The following LIMD1 variants were observed in gnomAD, a reference collection of about 807,000 sequenced individuals.
The protein encoded by LIMD1 is LIM domain-containing protein 1.
A neutral mutation model predicts 58.4 loss-of-function variants in LIMD1; 23 were observed. The observed-to-expected ratio is 0.39, with a 90% CI of 0.28 to 0.56. The LOEUF (loss-of-function observed/expected upper bound fraction) is 0.56, where lower values mean the gene tolerates loss of function less well. Among genes scored for constraint, LIMD1 ranks in the 20% least tolerant of loss-of-function variants. LIMD1 has a pLI of 0.57. For missense variants in LIMD1, 838 were observed against 855.5 expected, an observed-to-expected ratio of 0.98 and a Z score of 0.25; for synonymous variants, 334 against 345.5, an observed-to-expected ratio of 0.97 and a Z score of 0.37.
chr3:45,683,626 C>G lies in LIMD1; in HGVS notation c.*6567C>G, dbSNP rs755451853. 1 of 152,310 alleles carries G rather than the reference C, an allele frequency of 6.6e-6. No homozygotes were observed. The highest frequency in any genetic ancestry group is 2.1e-4 in the South Asian group (1 of 4,826). The allele number at this position is 152,310 out of a possible 1,614,324, so 9.4% of individuals were successfully genotyped here. The stretch of plus-strand genomic sequence containing the variant: ...CCTCTGATTGGTCCCCTCCCACAAC[C>G]AATCAAACTGATCATGGACCTCTGC... On this transcript the variant is annotated 3_prime_UTR_variant, in exon 8 of 8. Transcript: ENST00000273317.
chr3:45,649,816 T>A (rs1245372939), intron 2 of LIMD1, among the ~76,000 whole-genome samples: 1 of 145,538 alleles, frequency 6.9e-6, no homozygotes, highest in Non-Finnish European at 1.5e-5. Context: ...AATTCTAGCT[T>A]GATACTTTTT....
chr3:45,601,268 G>A (rs1234308883), intron 1 of LIMD1, among the ~76,000 whole-genome samples: 2 of 152,184 alleles, frequency 1.3e-5, no homozygotes, highest in African/African-American at 2.4e-5. Context: ...AGGGAGCCTG[G>A]GAGCTGGAAA....
intron 2 of LIMD1, among the ~76,000 whole-genome samples, chr3:45,647,060 C>G (rs959457566): frequency 2.0e-5 from 3 of 152,160 alleles, no homozygotes; most frequent in African/African-American, 4.8e-5. Flanking sequence ...AATGTAGTCA[C>G]ATTGTCAAAA....
intron 1 of LIMD1, among the ~76,000 whole-genome samples, chr3:45,622,649 T>C (rs1701637609): frequency 6.6e-6 from 1 of 151,664 alleles, no homozygotes; most frequent in African/African-American, 2.4e-5. Flanking sequence ...GGTCAAATAG[T>C]GTGAACTTTT....
At chr3:45,649,848 G>GT (rs367547670) in intron 2 of LIMD1, among the ~76,000 whole-genome samples, 48,344 of 97,108 alleles carry the variant, frequency 0.5, 11,315 homozygotes, top group East Asian at 0.73. Context: ...AAGTTTTTTT[G>GT]TTTTTTTTTT....
intron 1 of LIMD1, among the ~76,000 whole-genome samples, chr3:45,621,341 C>T (rs1219748515): frequency 6.6e-6 from 1 of 152,194 alleles, no homozygotes; most frequent in African/African-American, 2.4e-5. Context: ...ACAATCCTCC[C>T]ACTTCAGCCT....
At chr3:45,653,919 A>AT (rs1701998734) in intron 2 of LIMD1, among the ~76,000 whole-genome samples, 1 of 145,778 alleles carries the variant, frequency 6.9e-6, no homozygotes, top group South Asian at 2.1e-4. Context: ...AAAAAAAAAA[A>AT]AAAAAAAGAA....
rs964490429 is a variant in LIMD1 at position 45,685,971 on chromosome 3, C to G, written c.*8912C>G. On this transcript the variant is annotated 3_prime_UTR_variant, in exon 8 of 8. Transcript: ENST00000273317. ...GGCTCTTTCACTGGCACCCCTTCCT[C>G]AAGGACTTAACTTGTGCAAGCTGAC... 1.3e-5 allele frequency: 2 copies of G among 152,310 alleles called. No homozygotes were observed. Among genetic ancestry groups the G allele is most frequent in the South Asian group, 4.1e-4 (2 of 4,828 alleles). The allele number at this position is 152,310 out of a possible 1,614,324, so 9.4% of individuals were successfully genotyped here.
chr3:45,646,163 C>T (rs1427528591), intron 2 of LIMD1, among the ~76,000 whole-genome samples: 3 of 152,184 alleles, frequency 2.0e-5, no homozygotes, highest in African/African-American at 7.2e-5. Flanking sequence ...CACAAGAGGT[C>T]ATGGGGTCTC....
chr3:45,654,830 A>G (rs1159025232), intron 2 of LIMD1, among the ~76,000 whole-genome samples: 13 of 148,790 alleles, frequency 8.7e-5, no homozygotes, highest in South Asian at 8.7e-4. Flanking sequence ...AAAAAAAAAA[A>G]AAAAGAAAAA....
chr3:45,621,833 A>G (rs4263326), intron 1 of LIMD1, among the ~76,000 whole-genome samples: 152,232 of 152,264 alleles, frequency 1, 76,100 homozygotes, highest in Middle Eastern at 1. Context: ...GGGAGGCTGA[A>G]GTGGGTGGAT....
chr3:45,662,839 C>T (rs1429555309), intron 2 of LIMD1, among the ~76,000 whole-genome samples: 1 of 152,036 alleles, frequency 6.6e-6, no homozygotes, highest in Non-Finnish European at 1.5e-5. Context: ...CAAAAATTAG[C>T]CGGGTATGGT....
chr3:45,631,130 G>GGT (rs1701727859), intron 1 of LIMD1, among the ~76,000 whole-genome samples: 1 of 152,130 alleles, frequency 6.6e-6, no homozygotes, highest in Non-Finnish European at 1.5e-5. Flanking sequence ...CTTGAAACCA[G>GGT]GAGGCAGAGG....
rs1469363864 is a variant in LIMD1 at position 45,683,708 on chromosome 3, A to G, written c.*6649A>G. 2 of 152,216 alleles carry G rather than the reference A, an allele frequency of 1.3e-5. No individual in the cohort carries two copies. Among genetic ancestry groups the G allele is most frequent in the Non-Finnish European group, 2.9e-5 (2 of 68,042 alleles). 9.4% of individuals were successfully genotyped at this position (152,216 alleles called of 1,614,324 possible). On this transcript the variant is annotated 3_prime_UTR_variant, in exon 8 of 8. Coordinates refer to ENST00000273317, the MANE Select transcript of LIMD1 (RefSeq NM_014240.3). ...AATGGGAAACCTCTAGAGGGTATTT[A>G]AATCCCAGAAAATTCTGTAACCGGG... is the stretch of plus-strand genomic sequence containing the variant.
rs552167784 is a variant in LIMD1 at position 45,681,611 on chromosome 3, C to T, written c.*4552C>T. ...GTGGGCTGCATTACAAGAGGAACCC[C>T]CATGCTTAGGGGACCCTGGTATTTG... On this transcript the variant is annotated 3_prime_UTR_variant, in exon 8 of 8. Coordinates refer to ENST00000273317, the MANE Select transcript of LIMD1 (RefSeq NM_014240.3). The T allele has an allele frequency of 6.6e-6, 1 of 152,354 alleles. No homozygotes were observed. The highest frequency in any genetic ancestry group is 2.1e-4 in the South Asian group (1 of 4,826). 9.4% of individuals were successfully genotyped at this position (152,354 alleles called of 1,614,324 possible).
At chr3:45,645,990 A>G (rs1320343597) in intron 2 of LIMD1, among the ~76,000 whole-genome samples, 1 of 149,954 alleles carries the variant, frequency 6.7e-6, no homozygotes, top group Non-Finnish European at 1.5e-5. Context: ...TGATCGTGCC[A>G]CTGCACTCCA....
intron 2 of LIMD1, among the ~76,000 whole-genome samples, chr3:45,649,996 GGTGT>G (rs1195607319): frequency 6.7e-6 from 1 of 150,198 alleles, no homozygotes; most frequent in Non-Finnish European, 1.5e-5. Flanking sequence ...TGATATCCTT[GGTGT>G]GCTTTTCATG....
chr3:45,654,827 A>AAAAAAAAG (rs1193718515), intron 2 of LIMD1, among the ~76,000 whole-genome samples: 2 of 151,120 alleles, frequency 1.3e-5, no homozygotes, highest in African/African-American at 4.9e-5. Flanking sequence ...AAAAAAAAAA[A>AAAAAAAAG]AAAAAAAGAA....
intron 4 of LIMD1, among the ~76,000 whole-genome samples, chr3:45,669,971 C>T (rs1471636450): frequency 1.3e-5 from 2 of 152,156 alleles, no homozygotes; most frequent in African/African-American, 4.8e-5. Context: ...CCTCCCCATT[C>T]GTGATGAATA....
Sources: gnomAD v4.1 joint callset for allele counts (sites outside exome capture counted in the v4.1 genomes callset) on GRCh38, gnomAD v4.1.1 for gene constraint, MANE v1.5 for transcripts, NCBI Gene and HGNC (gene_info 2026-07-23, HGNC 2026-07-21) for gene names.